The following RASSF3 variants were observed in gnomAD, a reference collection of about 807,000 sequenced individuals.
RASSF3 encodes Ras association domain family member 3, also known as ras association domain-containing protein 3.
A neutral mutation model predicts 19.9 loss-of-function variants in RASSF3; 19 were observed. That is an observed-to-expected ratio of 0.96 (90% confidence interval 0.67 to 1.40). The LOEUF (loss-of-function observed/expected upper bound fraction) is 1.40, where lower values mean the gene tolerates loss of function less well. Ranked by LOEUF, RASSF3 falls within the 40% of genes most tolerant of loss-of-function variation. The probability of loss-of-function intolerance (pLI) is 0.00; values close to 1 mark genes in which losing one functional copy is unlikely to be tolerated. For missense variants in RASSF3, 306 were observed against 289.8 expected (o/e 1.06, Z -0.41); for synonymous variants, 110 against 104.2 (o/e 1.06, Z -0.34).
At chr12:64,667,478 C>T (rs1363116057) in intron 1 of RASSF3, among the ~76,000 whole-genome samples, 1 of 152,188 alleles carries the variant, frequency 6.6e-6, no homozygotes, top group Non-Finnish European at 1.5e-5. Context: ...AGGTGTGAGC[C>T]ACTGCGCCCG....
At chr12:64,551,342 A>G (rs1313267670) in intron 2 of RASSF3, among the ~76,000 whole-genome samples, 2 of 152,328 alleles carry the variant, frequency 1.3e-5, no homozygotes, top group South Asian at 2.1e-4. Context: ...TGGGAGGCTG[A>G]GGCGAGTGGA....
In RASSF3 at chr12:64,694,890, G is replaced by T. The variant is rs74098110; in HGVS notation, c.695G>T (p.Arg232Leu). 6.2e-7 allele frequency: 1 copy of T among 1,614,168 alleles called. No homozygotes were observed. Among genetic ancestry groups the T allele is most frequent in the Non-Finnish European group, 8.5e-7 (1 of 1,180,032 alleles). Residue 232 changes from arginine (R) to leucine (L), a missense_variant, in exon 5 of 5, where the codon CGT becomes CTT. Transcript: ENST00000542104. ...AYRQKLEEAL[R>L]EVWKPD ...AGGCAGAAGCTGGAAGAAGCCCTCC[G>T]TGAGGTGTGGAAGCCTGATTAAAGC...
intron 2 of RASSF3, among the ~76,000 whole-genome samples, chr12:64,575,201 T>C (rs1869576298): frequency 2.0e-5 from 3 of 152,218 alleles, no homozygotes; most frequent in Non-Finnish European, 2.9e-5. Context: ...TCAACACACA[T>C]AAACCAATTG....
At chr12:64,610,281 C>T (rs1870290265), upstream of RASSF3, among the ~76,000 whole-genome samples, 1 of 151,902 alleles carries the variant, frequency 6.6e-6, no homozygotes, top group Non-Finnish European at 1.5e-5. Flanking sequence ...TTTCCGGGTT[C>T]CGCGACGCTG....
chr12:64,580,929 C>T (rs1869683872), intron 2 of RASSF3, among the ~76,000 whole-genome samples: 2 of 151,910 alleles, frequency 1.3e-5, no homozygotes, highest in South Asian at 2.1e-4. Context: ...GTCACAACCA[C>T]ACGTACCAGG....
intron 1 of RASSF3, among the ~76,000 whole-genome samples, chr12:64,632,322 C>CT (rs1327816053): frequency 6.6e-6 from 1 of 152,086 alleles, no homozygotes; most frequent in Non-Finnish European, 1.5e-5. Flanking sequence ...AAAGGCCGTG[C>CT]TTGCCAGCCT....
At chr12:64,652,789 T>C (rs1311944131) in intron 1 of RASSF3, among the ~76,000 whole-genome samples, 1 of 152,220 alleles carries the variant, frequency 6.6e-6, no homozygotes, top group Non-Finnish European at 1.5e-5. Context: ...GTTGATTTTG[T>C]TTCAGTATAT....
intron 2 of RASSF3, among the ~76,000 whole-genome samples, chr12:64,578,194 G>T (rs1254372191): frequency 6.6e-6 from 1 of 152,160 alleles, no homozygotes; most frequent in African/African-American, 2.4e-5. Context: ...CTGCACTCCA[G>T]CCTGGGCAAC....
chr12:64,674,213 T>G (rs1872799087), intron 1 of RASSF3, among the ~76,000 whole-genome samples: 1 of 152,196 alleles, frequency 6.6e-6, no homozygotes, highest in Non-Finnish European at 1.5e-5. Context: ...TTAAAAGGGC[T>G]TTTGTTTGCC....
At chr12:64,630,507 CAG>C (rs768998528) in intron 1 of RASSF3, among the ~76,000 whole-genome samples, 1 of 152,168 alleles carries the variant, frequency 6.6e-6, no homozygotes, top group Admixed American at 6.6e-5. Flanking sequence ...GCCTGAATGA[CAG>C]AGACAGACCC....
chr12:64,604,873 C>T (rs2136148272), intron 2 of RASSF3, among the ~76,000 whole-genome samples: 1 of 152,294 alleles, frequency 6.6e-6, no homozygotes, highest in Non-Finnish European at 1.5e-5. Flanking sequence ...GATCCGCCCG[C>T]CTCGGCCTCC....
At chr12:64,672,696 G>C (rs758200917) in intron 1 of RASSF3, among the ~76,000 whole-genome samples, 2 of 152,024 alleles carry the variant, frequency 1.3e-5, no homozygotes, top group Non-Finnish European at 2.9e-5. Context: ...TTTTTGTTCA[G>C]ACGGTGGGGA....
At chr12:64,623,241 C>T (rs1032700156) in intron 1 of RASSF3, among the ~76,000 whole-genome samples, 4 of 152,090 alleles carry the variant, frequency 2.6e-5, no homozygotes, top group Non-Finnish European at 4.4e-5. Context: ...AAATATATCA[C>T]GTAGGAGGAA....
chr12:64,683,554 A>T lies in RASSF3; in HGVS notation c.112-1233A>T, dbSNP rs529646995. 2.1e-4 allele frequency among the ~76,000 whole-genome samples: 32 copies of T among 152,322 alleles called. No homozygotes were observed. The East Asian group carries it at 6.2e-3, about 29-fold the overall frequency. On this transcript the variant is annotated intron_variant, in intron 1 of 4. Transcript: ENST00000542104. Reference sequence around the variant, plus strand: ...CTTGGCCTGGGGATTTGTTTGGAAGATGAATTATCCTCTGGTAGTTGTGTA... The same window carrying T: ...CTTGGCCTGGGGATTTGTTTGGAAGTTGAATTATCCTCTGGTAGTTGTGTA...
chr12:64,558,363 A>G (rs1484586566), intron 2 of RASSF3, among the ~76,000 whole-genome samples: 1 of 152,114 alleles, frequency 6.6e-6, no homozygotes, highest in Non-Finnish European at 1.5e-5. Flanking sequence ...TACCTTTTCC[A>G]TGGGAGATGC....
chr12:64,598,283 T>C (rs910565234), intron 2 of RASSF3, among the ~76,000 whole-genome samples: 1 of 152,358 alleles, frequency 6.6e-6, no homozygotes, highest in East Asian at 1.9e-4. Context: ...TTCACAGGTT[T>C]ATTGATTGGG....
At chr12:64,516,480 G>T (rs981877093) in intron 1 of RASSF3, among the ~76,000 whole-genome samples, 1 of 149,660 alleles carries the variant, frequency 6.7e-6, no homozygotes, top group Non-Finnish European at 1.5e-5. Flanking sequence ...TTAGCCGGGC[G>T]TAGTGGCGGG....
At chr12:64,665,147 T>G (rs991878584) in intron 1 of RASSF3, among the ~76,000 whole-genome samples, 3 of 152,242 alleles carry the variant, frequency 2.0e-5, no homozygotes, top group African/African-American at 7.2e-5. Flanking sequence ...TGGAAGGTTC[T>G]AGGAGTTGCA....
chr12:64,671,428 C>G (rs1353738850), intron 1 of RASSF3, among the ~76,000 whole-genome samples: 1 of 152,132 alleles, frequency 6.6e-6, no homozygotes, highest in Non-Finnish European at 1.5e-5. Context: ...CTTACTCACT[C>G]TGAGCCTTCT....
Sources: allele counts gnomAD v4.1 joint callset (sites outside exome capture counted in the v4.1 genomes callset), GRCh38; gene constraint gnomAD v4.1.1; transcripts MANE v1.5; gene names NCBI Gene and HGNC (gene_info 2026-07-23, HGNC 2026-07-21).